Variants in PCDH15 observed in about 807,000 individuals in gnomAD.
PCDH15 encodes the protein protocadherin-15.
A neutral mutation model predicts 178.5 loss-of-function variants in PCDH15; 129 were observed. The ratio of observed to expected loss-of-function variants is 0.72; its 90% CI spans 0.63 to 0.84. The LOEUF (loss-of-function observed/expected upper bound fraction) is 0.84, where lower values mean the gene tolerates loss of function less well. Among genes scored for constraint, PCDH15 ranks in the 40% least tolerant of loss-of-function variants. The probability of loss-of-function intolerance (pLI) is 0.00; values close to 1 mark genes in which losing one functional copy is unlikely to be tolerated. For missense variants in PCDH15, 2,230 were observed against 2,099.9 expected (o/e 1.06, Z -1.21); for synonymous variants, 800 against 732.0 (o/e 1.09, Z -1.50).
intron 25 of PCDH15, 78 bp downstream of exon 25, chr10:53,938,737 T>G: frequency 7.0e-7 from 1 of 1,437,228 alleles, no homozygotes; most frequent in Non-Finnish European, 9.7e-7. Flanking sequence ...AATGATATTT[T>G]AGACATAGGT....
At chr10:55,086,526 T>C (rs959208194) in intron 2 of PCDH15, among the ~76,000 whole-genome samples, 2 of 152,070 alleles carry the variant, frequency 1.3e-5, no homozygotes, top group African/African-American at 2.4e-5. Flanking sequence ...TATAGATATA[T>C]CTTCCACTGA....
rs753162941 is a variant in PCDH15 at position 54,633,767 on chromosome 10, C to T, written c.91+30405G>A. Among the ~76,000 whole-genome samples, 57 of 152,072 alleles carry T rather than the reference C, an allele frequency of 3.7e-4. 1 individual carries two copies. Among genetic ancestry groups the T allele is most frequent in the Admixed American group, 1.8e-3 (28 of 15,236 alleles). ...AAAGTATCTACCTGTAAATCAATTA[C>T]GCCCCAACCCAATGCTAATGAATGT... On this transcript the variant is annotated intron_variant, in intron 2 of 37. Transcript: ENST00000644397.
chr10:54,737,895 T>C (rs1000919160), intron 1 of PCDH15, among the ~76,000 whole-genome samples: 1 of 152,008 alleles, frequency 6.6e-6, no homozygotes, highest in Non-Finnish European at 1.5e-5. Context: ...TAAATATCTA[T>C]GCAATATGTT....
In PCDH15 at chr10:54,322,074, G is replaced by A. The variant is rs1240814270; in HGVS notation, c.706-4633C>T. Among the ~76,000 whole-genome samples, 4 of 151,574 alleles carry A rather than the reference G, an allele frequency of 2.6e-5. No homozygotes were observed. In the South Asian group the frequency reaches 8.3e-4, roughly 32 times the overall value. On this transcript the variant is annotated intron_variant, in intron 7 of 37. Coordinates refer to ENST00000644397, the MANE Select transcript of PCDH15 (RefSeq NM_001384140.1). ...TAAAAAATAATCCTTCAGCAATTGA[G>A]ATAAAAATCAAAACAAAAACAACAA...
At chr10:55,321,058 G>T (rs1025353491), upstream of PCDH15, among the ~76,000 whole-genome samples, 1 of 151,680 alleles carries the variant, frequency 6.6e-6, no homozygotes, top group African/African-American at 2.4e-5. Context: ...CACTACATAG[G>T]AGATGAAAGA....
chr10:54,491,971 T>C (rs928636786), intron 3 of PCDH15, among the ~76,000 whole-genome samples: 2 of 152,208 alleles, frequency 1.3e-5, no homozygotes, highest in Admixed American at 6.6e-5. Context: ...TCCAAACTTA[T>C]ATTACACATC....
At chr10:55,167,891 A>G (rs374936503) in intron 1 of PCDH15, among the ~76,000 whole-genome samples, 1 of 152,118 alleles carries the variant, frequency 6.6e-6, no homozygotes, top group Admixed American at 6.6e-5. Context: ...TAACATCCTG[A>G]AAAAGGAGAT....
chr10:53,961,705 C>T, intron 22 of PCDH15, 47 bp downstream of exon 22: 1 of 1,423,022 alleles, frequency 7.0e-7, no homozygotes, highest in Non-Finnish European at 9.3e-7. Flanking sequence ...AATTCTCTAT[C>T]AAAAATTAAA....
At chr10:55,124,606 G>T (rs1323699887) in intron 2 of PCDH15, among the ~76,000 whole-genome samples, 1 of 151,970 alleles carries the variant, frequency 6.6e-6, no homozygotes, top group African/African-American at 2.4e-5. Context: ...CTTTTCACAA[G>T]ACCATTACTT....
chr10:54,503,826 C>G (rs2080934386), intron 3 of PCDH15, among the ~76,000 whole-genome samples: 1 of 152,006 alleles, frequency 6.6e-6, no homozygotes, highest in Admixed American at 6.6e-5. Context: ...ATGTCTGGTC[C>G]TTTTTCTCCA....
At chr10:54,463,513 T>C (rs988398479) in intron 3 of PCDH15, among the ~76,000 whole-genome samples, 4 of 152,124 alleles carry the variant, frequency 2.6e-5, no homozygotes, top group Non-Finnish European at 5.9e-5. Flanking sequence ...AGCCCCTAAA[T>C]GTATTAACAA....
At chr10:54,808,659 A>C (rs566478406) in intron 3 of PCDH15, among the ~76,000 whole-genome samples, 2 of 152,272 alleles carry the variant, frequency 1.3e-5, no homozygotes, top group East Asian at 1.9e-4. Flanking sequence ...TCTTCCTTCA[A>C]ATCCATGTTC....
At chr10:54,225,166 T>A (rs1337306150) in intron 9 of PCDH15, among the ~76,000 whole-genome samples, 1 of 152,090 alleles carries the variant, frequency 6.6e-6, no homozygotes, top group Non-Finnish European at 1.5e-5. Flanking sequence ...AAGACCGAGT[T>A]CTTGTCCCAG....
chr10:54,447,443 T>C (rs1389317409), intron 3 of PCDH15, among the ~76,000 whole-genome samples: 4 of 151,576 alleles, frequency 2.6e-5, no homozygotes, highest in Non-Finnish European at 4.4e-5. Context: ...TTTCTATGAG[T>C]TTTACTTATT....
intron 3 of PCDH15, among the ~76,000 whole-genome samples, chr10:54,511,265 T>C (rs572913611): frequency 6.6e-6 from 1 of 152,190 alleles, no homozygotes; most frequent in Non-Finnish European, 1.5e-5. Flanking sequence ...CAGTATGAAG[T>C]AGTTAGTAGC....
intron 3 of PCDH15, among the ~76,000 whole-genome samples, chr10:54,442,853 C>T (rs71492611): frequency 0.029 from 4,370 of 151,426 alleles, 94 homozygotes; most frequent in African/African-American, 0.057. Flanking sequence ...GGTTAGGAAA[C>T]GCCATTGTTT....
intron 2 of PCDH15, among the ~76,000 whole-genome samples, chr10:54,919,337 T>C (rs564289775): frequency 9.9e-5 from 15 of 152,276 alleles, no homozygotes; most frequent in African/African-American, 3.4e-4. Context: ...TCAACAACTA[T>C]CCTTGAGCCT....
chr10:54,317,914 A>G (rs2061378190), intron 7 of PCDH15, among the ~76,000 whole-genome samples: 1 of 152,212 alleles, frequency 6.6e-6, no homozygotes, highest in Non-Finnish European at 1.5e-5. Context: ...TTGTCTTCAA[A>G]GCAACTTTCT....
At chr10:54,428,783 G>T (rs1470567315) in intron 3 of PCDH15, among the ~76,000 whole-genome samples, 1 of 152,130 alleles carries the variant, frequency 6.6e-6, no homozygotes, top group Non-Finnish European at 1.5e-5. Context: ...GGAGAGGGTG[G>T]CATGACACAT....
Sources: allele counts gnomAD v4.1 joint callset (sites outside exome capture counted in the v4.1 genomes callset), GRCh38; gene constraint gnomAD v4.1.1; transcripts MANE v1.5; gene names NCBI Gene and HGNC (gene_info 2026-07-23, HGNC 2026-07-21).